The following MAGI1 variants were observed in gnomAD, a reference collection of about 807,000 sequenced individuals.
MAGI1 encodes membrane-associated guanylate kinase, WW and PDZ domain-containing protein 1.
A neutral mutation model predicts 139.9 loss-of-function variants in MAGI1; 58 were observed. That is an observed-to-expected ratio of 0.41 (90% CI 0.34 to 0.52). The LOEUF (loss-of-function observed/expected upper bound fraction) is 0.52. MAGI1 is among the 20% of genes least tolerant of loss of function. The probability of loss-of-function intolerance (pLI) is 0.12; values close to 1 mark genes in which losing one functional copy is unlikely to be tolerated. For synonymous variants in MAGI1, 812 were observed against 737.9 expected (o/e 1.10, Z -1.63); for missense variants, 1,874 against 1,901.6 (o/e 0.99, Z 0.27).
chr3:65,434,932 T>C (rs970717618), intron 10 of MAGI1, among the ~76,000 whole-genome samples: 5 of 152,172 alleles, frequency 3.3e-5, no homozygotes, highest in African/African-American at 9.7e-5. Context: ...GGGAGGTGAT[T>C]ATACCATGAG....
chr3:65,633,881 T>C lies in MAGI1; in HGVS notation c.314-11793A>G, dbSNP rs74343777. ...ACCAAAAGCTGAAATCAAGTGTCTC[T>C]ACATTCAGAATGCTGAGTGGAATCT... On this transcript the variant is annotated intron_variant, in intron 1 of 22. Transcript: ENST00000402939. Among the ~76,000 whole-genome samples, 5 of 152,330 alleles carry C rather than the reference T, an allele frequency of 3.3e-5. No individual in the cohort carries two copies. The East Asian group carries it at 7.7e-4, about 23-fold the overall frequency.
chr3:65,543,417 T>A (rs2079342026), intron 2 of MAGI1, among the ~76,000 whole-genome samples: 1 of 152,096 alleles, frequency 6.6e-6, no homozygotes, highest in Non-Finnish European at 1.5e-5. Context: ...ACCCAAAGGA[T>A]TATAAATCAT....
At chr3:65,468,114 A>C (rs1302987886) in intron 5 of MAGI1, among the ~76,000 whole-genome samples, 4 of 152,210 alleles carry the variant, frequency 2.6e-5, no homozygotes, top group African/African-American at 7.2e-5. Context: ...TGCAAGAAGT[A>C]AACTCAAGTT....
At chr3:65,680,392 A>G (rs1278874164) in intron 1 of MAGI1, among the ~76,000 whole-genome samples, 1 of 152,186 alleles carries the variant, frequency 6.6e-6, no homozygotes, top group African/African-American at 2.4e-5. Flanking sequence ...GCTCTTGTGA[A>G]GGAGAGCTTA....
At chr3:65,644,162 G>A (rs1360414877) in intron 1 of MAGI1, among the ~76,000 whole-genome samples, 1 of 152,072 alleles carries the variant, frequency 6.6e-6, no homozygotes, top group Non-Finnish European at 1.5e-5. Flanking sequence ...ACAAAGTGGT[G>A]TCAGATAAAA....
chr3:65,525,563 G>T (rs370372516), intron 2 of MAGI1, among the ~76,000 whole-genome samples: 2 of 152,140 alleles, frequency 1.3e-5, no homozygotes, highest in African/African-American at 4.8e-5. Context: ...TTCTGAAATG[G>T]TAAAATAAAA....
At chr3:65,939,448 T>C (rs1003818009) in intron 1 of MAGI1, among the ~76,000 whole-genome samples, 58 of 152,338 alleles carry the variant, frequency 3.8e-4, no homozygotes, top group African/African-American at 1.4e-3. Context: ...ATGTAGATGA[T>C]GACAGTGGAT....
At chr3:65,593,654 C>G (rs1178739468) in intron 2 of MAGI1, among the ~76,000 whole-genome samples, 3 of 152,092 alleles carry the variant, frequency 2.0e-5, no homozygotes, top group African/African-American at 7.2e-5. Flanking sequence ...CTCTAGGAAA[C>G]AGCCTGAACT....
chr3:65,823,478 C>G (rs947823943), intron 1 of MAGI1, among the ~76,000 whole-genome samples: 1 of 152,216 alleles, frequency 6.6e-6, no homozygotes, highest in Non-Finnish European at 1.5e-5. Context: ...ATTCATTCCA[C>G]TAGTCCAAGG....
chr3:66,028,055 A>G (rs1179814053), intron 1 of MAGI1, among the ~76,000 whole-genome samples: 1 of 152,194 alleles, frequency 6.6e-6, no homozygotes. Context: ...CTGTAATCCC[A>G]GCACTTTGGG....
intron 1 of MAGI1, among the ~76,000 whole-genome samples, chr3:66,037,391 C>T (rs1019849124): frequency 6.6e-6 from 1 of 152,140 alleles, no homozygotes; most frequent in African/African-American, 2.4e-5. Flanking sequence ...CTCTCCCCCT[C>T]CCAAGTGTAT....
chr3:65,952,016 C>T (rs913690379), intron 1 of MAGI1, among the ~76,000 whole-genome samples: 4 of 152,180 alleles, frequency 2.6e-5, no homozygotes, highest in Admixed American at 1.3e-4. Flanking sequence ...TTCCTACTGA[C>T]GACAAAGTCA....
rs552312225 is a variant in MAGI1, at chr3:65,870,974, C to T, written c.313+167022G>A. Among the ~76,000 whole-genome samples the T allele has an allele frequency of 8.5e-5, 13 of 152,110 alleles. No homozygotes were observed. In the South Asian group the frequency reaches 1.5e-3, roughly 17 times the overall value. On this transcript the variant is annotated intron_variant, in intron 1 of 22. Coordinates refer to ENST00000402939, the MANE Select transcript of MAGI1 (RefSeq NM_001033057.2). ...TTTTTTTTGAGACACAGTCTCACTC[C>T]GTCATCTAGGGCAGAGTGTAGTAGT...
chr3:65,752,215 C>T (rs1229598240), intron 1 of MAGI1, among the ~76,000 whole-genome samples: 3 of 152,186 alleles, frequency 2.0e-5, no homozygotes, highest in Non-Finnish European at 2.9e-5. Context: ...TCCCAAAGTG[C>T]TGGGATTACA....
At chr3:65,776,403 C>T (rs1262297555) in intron 1 of MAGI1, among the ~76,000 whole-genome samples, 2 of 151,858 alleles carry the variant, frequency 1.3e-5, no homozygotes, top group Non-Finnish European at 2.9e-5. Context: ...TTTTCAAAGC[C>T]TCTGAGTCCC....
chr3:65,553,554 C>T (rs868280939), intron 2 of MAGI1, among the ~76,000 whole-genome samples: 4 of 152,114 alleles, frequency 2.6e-5, no homozygotes, highest in Non-Finnish European at 5.9e-5. Flanking sequence ...CTGTGCCTGA[C>T]CAGAATCCTG....
intron 1 of MAGI1, among the ~76,000 whole-genome samples, chr3:65,791,773 A>G (rs2039791106): frequency 6.6e-6 from 1 of 152,206 alleles, no homozygotes; most frequent in Non-Finnish European, 1.5e-5. Flanking sequence ...CGTTGAATAT[A>G]TATTACTTCC....
chr3:65,774,853 AT>A (rs570494706), intron 1 of MAGI1, among the ~76,000 whole-genome samples: 249 of 152,292 alleles, frequency 1.6e-3, no homozygotes, highest in Non-Finnish European at 2.7e-3. Flanking sequence ...TAGGGAGAAG[AT>A]TTTGATTTCT....
intron 2 of MAGI1, among the ~76,000 whole-genome samples, chr3:65,496,465 G>A (rs992537918): frequency 5.9e-5 from 9 of 152,100 alleles, no homozygotes; most frequent in Non-Finnish European, 1.2e-4. Context: ...CCAGGTGAAT[G>A]GTAATCAAGA....
Sources: allele counts gnomAD v4.1 joint callset (sites outside exome capture counted in the v4.1 genomes callset), GRCh38; gene constraint gnomAD v4.1.1; transcripts MANE v1.5; gene names NCBI Gene and HGNC (gene_info 2026-07-23, HGNC 2026-07-21).